The following BTAF1 variants were observed in gnomAD, a reference collection of about 807,000 sequenced individuals.
BTAF1 encodes B-TFIID TATA-box binding protein associated factor 1.
Under a neutral mutation model 227.1 loss-of-function variants are expected in BTAF1, and 38 were observed. The ratio of observed to expected loss-of-function variants is 0.17; its 90% confidence interval spans 0.13 to 0.22. The LOEUF (loss-of-function observed/expected upper bound fraction) is 0.22. Among genes scored for constraint, BTAF1 ranks in the 10% least tolerant of loss-of-function variants. The pLI, the probability that BTAF1 is intolerant of heterozygous loss-of-function variation, is 1.00. For missense variants in BTAF1, 1,598 were observed against 2,204.0 expected (o/e 0.73, Z 5.51); for synonymous variants, 742 against 751.9 (o/e 0.99, Z 0.21).
intron 34 of BTAF1, among the ~76,000 whole-genome samples, chr10:92,022,790 A>G (rs1251821813): frequency 6.6e-6 from 1 of 152,202 alleles, no homozygotes; most frequent in East Asian, 1.9e-4. Context: ...ACTTTTTAAA[A>G]GAAACAGCTG....
At chr10:91,925,409 CTTCTT>C (rs1319211915) in intron 1 of BTAF1, among the ~76,000 whole-genome samples, 1 of 151,680 alleles carries the variant, frequency 6.6e-6, no homozygotes, top group Non-Finnish European at 1.5e-5. Flanking sequence ...GAGATGAGTA[CTTCTT>C]TTCTTAGAGC....
intron 14 of BTAF1, among the ~76,000 whole-genome samples, chr10:91,971,621 G>A (rs143042201): frequency 0.012 from 1,831 of 151,870 alleles, 16 homozygotes; most frequent in Non-Finnish European, 0.02. Context: ...ACAGGCATGC[G>A]CCACCACGCC....
At position 91,995,095 on chromosome 10, in the gene BTAF1, T is replaced by A. The variant is rs11186788; in HGVS notation, c.3309+451T>A. On this transcript the variant is annotated intron_variant, in intron 23 of 37. Coordinates refer to ENST00000265990, the MANE Select transcript of BTAF1 (RefSeq NM_003972.3). ...ATAGAACACTGGTTTGGGATTTTTT[T>A]AAAAAACTATTAAAATGTTTCTTAC... Among the ~76,000 whole-genome samples, 1,138 of 152,292 alleles carry A rather than the reference T, an allele frequency of 7.5e-3. 12 individuals carry two copies. Among genetic ancestry groups the A allele is most frequent in the African/African-American group, 0.024 (1,004 of 41,560 alleles).
chr10:91,931,913 C>T (rs569682789), intron 1 of BTAF1, among the ~76,000 whole-genome samples: 3 of 152,254 alleles, frequency 2.0e-5, no homozygotes, highest in African/African-American at 7.2e-5. Flanking sequence ...CTCCATTCCT[C>T]TATTCAGGGA....
chr10:92,000,993 C>T (rs1849489008), intron 25 of BTAF1, among the ~76,000 whole-genome samples: 1 of 152,154 alleles, frequency 6.6e-6, no homozygotes, highest in Admixed American at 6.5e-5. Flanking sequence ...TGCTTCTGGC[C>T]ATGATGGAAA....
intron 5 of BTAF1, 31 bp from the exon 6 acceptor site, chr10:91,953,706 G>C: frequency 2.5e-6 from 4 of 1,603,042 alleles, no homozygotes; most frequent in Non-Finnish European, 3.4e-6. Flanking sequence ...AATTTCAAAA[G>C]TTCCAACTCA....
chr10:92,025,013 C>G lies in BTAF1; in HGVS notation c.5075+46C>G, dbSNP rs756366350. The G allele has an allele frequency of 5.3e-6, 8 of 1,513,914 alleles. 1 individual carries two copies. The South Asian group carries it at 9.6e-5, about 18-fold the overall frequency. 93.8% of individuals were successfully genotyped at this position (1,513,914 alleles called of 1,614,324 possible). A position where few individuals can be genotyped will look rare whatever the true frequency, so the allele number is the denominator to read the frequency against. On this transcript the variant is annotated intron_variant, in intron 35 of 37. Transcript: ENST00000265990. ...TTATTCATAAATAAATATATTATTA[C>G]TTACATAGAAGTTTGCCCCATGAAA...
At chr10:91,942,607 T>C in intron 4 of BTAF1, 39 bp downstream of exon 4, 1 of 1,602,688 alleles carries the variant, frequency 6.2e-7, no homozygotes, top group Non-Finnish European at 8.5e-7. Flanking sequence ...AAAATTTGTT[T>C]TTTCAGACTA....
At chr10:92,017,791 G>A (rs915596826) in intron 33 of BTAF1, among the ~76,000 whole-genome samples, 87 of 152,276 alleles carry the variant, frequency 5.7e-4, no homozygotes, top group African/African-American at 2.1e-3. Flanking sequence ...GATTATAGGT[G>A]CAAACCACTG....
intron 25 of BTAF1, among the ~76,000 whole-genome samples, chr10:92,001,801 A>G (rs961681156): frequency 6.6e-6 from 1 of 152,100 alleles, no homozygotes; most frequent in Non-Finnish European, 1.5e-5. Context: ...AGACCCAGAT[A>G]ATAGATAAGG....
intron 14 of BTAF1, among the ~76,000 whole-genome samples, chr10:91,973,947 G>A (rs1005226871): frequency 4.7e-5 from 7 of 148,634 alleles, no homozygotes; most frequent in African/African-American, 1.7e-4. Context: ...GCTCATATAA[G>A]CAGCTCACTT....
At position 91,981,827 on chromosome 10, in the gene BTAF1, C is replaced by A. The variant is rs1321241446; in HGVS notation, c.1905+35C>A. 7.6e-6 allele frequency: 12 copies of A among 1,578,212 alleles called. No individual in the cohort carries two copies. In the South Asian group the frequency reaches 1.1e-4, roughly 14 times the overall value. ...GAGGGACATAGTGTATTTGTGTGTT[C>A]ATCATCTAATTATTAATACAGTAAC... On this transcript the variant is annotated intron_variant, in intron 16 of 37. Coordinates refer to ENST00000265990, the MANE Select transcript of BTAF1 (RefSeq NM_003972.3).
At chr10:91,958,627 C>T (rs1470865769) in intron 8 of BTAF1, among the ~76,000 whole-genome samples, 3 of 152,060 alleles carry the variant, frequency 2.0e-5, no homozygotes, top group Admixed American at 1.3e-4. Context: ...CGCTTGAACC[C>T]GGGAGGCGGA....
chr10:91,961,027 A>G lies in BTAF1; in HGVS notation c.1263+873A>G, dbSNP rs1052828425. On this transcript the variant is annotated intron_variant, in intron 11 of 37. Coordinates refer to ENST00000265990, the MANE Select transcript of BTAF1 (RefSeq NM_003972.3). Reference sequence around the variant, plus strand: ...GTGGAAAAATTGATTCTGATTTCCAATATGAGATGCCAGTAAAACATCTCT... The same window carrying G: ...GTGGAAAAATTGATTCTGATTTCCAGTATGAGATGCCAGTAAAACATCTCT... 5.3e-5 allele frequency among the ~76,000 whole-genome samples: 8 copies of G among 152,338 alleles called. No homozygotes were observed. The South Asian group carries it at 1.7e-3, about 32-fold the overall frequency.
At chr10:91,945,317 A>G (rs964892065) in intron 4 of BTAF1, among the ~76,000 whole-genome samples, 1 of 152,206 alleles carries the variant, frequency 6.6e-6, no homozygotes, top group Non-Finnish European at 1.5e-5. Context: ...ATAACAAAAA[A>G]TTTACCATCC....
In BTAF1 at chr10:91,996,361, GT is replaced by G; in HGVS notation, c.3310-3del. ...TAATTCTAATTGCCATTAACTTTTT[GT>G]TTTTAGTTGGTCCAGCATTTGCCAC... On this transcript the variant is annotated splice_polypyrimidine_tract_variant and splice_region_variant and intron_variant, in intron 23 of 37. Transcript: ENST00000265990. 1 of 1,611,994 alleles carries G rather than the reference GT, an allele frequency of 6.2e-7. No homozygotes were observed.
Position 92,009,145 on chromosome 10 carries a change from A to G in BTAF1, c.4040A>G (p.Lys1347Arg), listed in dbSNP as rs1162602303. The G allele has an allele frequency of 1.1e-5, 17 of 1,613,954 alleles. No individual in the cohort carries two copies. In the African/African-American group the frequency reaches 2.3e-4, roughly 22 times the overall value. ...GGCCATTGGGTGGATGAAGTAGGTAAATTTTGCTCTAGAGAATATCTCAAC... is the reference window on the plus strand; with the variant it reads ...GGCCATTGGGTGGATGAAGTAGGTAGATTTTGCTCTAGAGAATATCTCAAC... Reference protein sequence around the residue: ...LTGHWVDEVGKFCSREYLNPL... With the variant: ...LTGHWVDEVGRFCSREYLNPL... The change falls in exon 28 of 38, where the codon AAA becomes AGA. Residue 1347 changes from lysine to arginine, a missense_variant. Physicochemically the swap from Lys to Arg is conservative, Grantham distance 26 (BLOSUM62 2). Transcript: ENST00000265990.
At chr10:91,991,029 G>A (rs183696539) in intron 20 of BTAF1, among the ~76,000 whole-genome samples, 3 of 150,872 alleles carry the variant, frequency 2.0e-5, no homozygotes, top group Non-Finnish European at 3.0e-5. Flanking sequence ...GGTGGATCAC[G>A]AGGTCAGAAG....
intron 4 of BTAF1, among the ~76,000 whole-genome samples, chr10:91,948,718 A>G (rs1447368778): frequency 6.6e-6 from 1 of 150,452 alleles, no homozygotes; most frequent in African/African-American, 2.4e-5. Flanking sequence ...AAAAAAAGTT[A>G]TATTGGCATA....
Sources: allele counts gnomAD v4.1 joint callset (sites outside exome capture counted in the v4.1 genomes callset), GRCh38; gene constraint gnomAD v4.1.1; transcripts MANE v1.5; gene names NCBI Gene and HGNC (gene_info 2026-07-23, HGNC 2026-07-21).